Variants in PDE1A observed in about 807,000 individuals in gnomAD.
The protein encoded by PDE1A is dual specificity calcium/calmodulin-dependent 3',5'-cyclic nucleotide phosphodiesterase 1A.
PDE1A carries 35 observed loss-of-function variants against 61.7 expected under a neutral mutation model. The observed-to-expected ratio is 0.57, with a 90% confidence interval of 0.43 to 0.75. The LOEUF is 0.75. Ranked by LOEUF, PDE1A falls within the 30% of genes least tolerant of loss-of-function variation. The probability of loss-of-function intolerance (pLI) is 0.00; values close to 1 mark genes in which losing one functional copy is unlikely to be tolerated. For missense variants in PDE1A, 597 were observed against 630.6 expected (o/e 0.95, Z 0.57); for synonymous variants, 232 against 213.2 (o/e 1.09, Z -0.77).
the PDE1A span, among the ~76,000 whole-genome samples, chr2:182,645,718 T>A: frequency 5.9e-5 from 9 of 152,284 alleles, no homozygotes; most frequent in South Asian, 8.3e-4. Context: ...GAAAAAAAAT[T>A]AATATATGGC....
At chr2:182,300,385 G>A (rs1292724481) in intron 1 of PDE1A, among the ~76,000 whole-genome samples, 1 of 152,126 alleles carries the variant, frequency 6.6e-6, no homozygotes, top group Non-Finnish European at 1.5e-5. Context: ...TTGGTTCATT[G>A]ATAGGCCATT....
At chr2:182,169,076 T>G (rs577915236) in intron 13 of PDE1A, among the ~76,000 whole-genome samples, 1 of 152,074 alleles carries the variant, frequency 6.6e-6, no homozygotes, top group Non-Finnish European at 1.5e-5. Flanking sequence ...ATAAATATCA[T>G]AAATAATTTC....
intron 1 of PDE1A, among the ~76,000 whole-genome samples, chr2:182,275,377 G>A (rs1693332153): frequency 6.6e-6 from 1 of 152,220 alleles, no homozygotes; most frequent in East Asian, 1.9e-4. Flanking sequence ...CAAGTCAGCT[G>A]ACAGGAACCT....
intron 1 of PDE1A, among the ~76,000 whole-genome samples, chr2:182,343,612 G>A (rs1327404132): frequency 1.3e-5 from 2 of 151,978 alleles, no homozygotes; most frequent in African/African-American, 4.8e-5. Context: ...TTTTATACAG[G>A]TCTATGTCTT....
intron 13 of PDE1A, among the ~76,000 whole-genome samples, chr2:182,185,011 T>A (rs923471277): frequency 6.6e-6 from 1 of 152,220 alleles, no homozygotes; most frequent in Non-Finnish European, 1.5e-5. Flanking sequence ...TGAAAACGTT[T>A]CAATATTGTG....
chr2:182,367,469 GA>G (rs200402004), intron 1 of PDE1A, among the ~76,000 whole-genome samples: 15 of 149,492 alleles, frequency 1.0e-4, no homozygotes, highest in Admixed American at 2.0e-4. Context: ...TTAAACATTA[GA>G]AAAAAAAACA....
chr2:182,471,461 T>G (rs1687024151), intron 2 of PDE1A, among the ~76,000 whole-genome samples: 1 of 151,688 alleles, frequency 6.6e-6, no homozygotes, highest in Non-Finnish European at 1.5e-5. Flanking sequence ...ACTTCTCAAA[T>G]TTTGACTAAA....
intron 2 of PDE1A, among the ~76,000 whole-genome samples, chr2:182,474,660 C>A (rs77384266): frequency 0.092 from 13,940 of 151,930 alleles, 779 homozygotes; most frequent in African/African-American, 0.16. Context: ...CAAGTTCTAT[C>A]AGGTTACTGC....
chr2:182,315,063 C>T (rs1022892937), intron 1 of PDE1A, among the ~76,000 whole-genome samples: 3 of 152,098 alleles, frequency 2.0e-5, no homozygotes, highest in Admixed American at 1.3e-4. Context: ...CTCAAAAAAT[C>T]ATCATAGAAT....
the PDE1A span, among the ~76,000 whole-genome samples, chr2:182,656,025 T>C: frequency 3.9e-5 from 6 of 152,334 alleles, no homozygotes; most frequent in African/African-American, 1.4e-4. Flanking sequence ...GTGGTTGTCC[T>C]TCATCAAGCC....
chr2:182,375,809 C>G (rs192094175), intron 1 of PDE1A, among the ~76,000 whole-genome samples: 1 of 152,366 alleles, frequency 6.6e-6, no homozygotes, highest in African/African-American at 2.4e-5. Context: ...CATTTCCATA[C>G]TTCTTCTGAA....
At chr2:182,286,364 ATATGT>A (rs1173534518) in intron 1 of PDE1A, among the ~76,000 whole-genome samples, 1 of 151,868 alleles carries the variant, frequency 6.6e-6, no homozygotes, top group African/African-American at 2.4e-5. Flanking sequence ...TATCTCCTGT[ATATGT>A]TATCTGTTCA....
the PDE1A span, among the ~76,000 whole-genome samples, chr2:182,715,865 G>A: frequency 6.6e-6 from 1 of 152,050 alleles, no homozygotes; most frequent in African/African-American, 2.4e-5. Flanking sequence ...TTCGCCTTTC[G>A]GTCTCACCCA....
chr2:182,661,648 A>G, the PDE1A span, among the ~76,000 whole-genome samples: 1 of 152,198 alleles, frequency 6.6e-6, no homozygotes, highest in Admixed American at 6.6e-5. Flanking sequence ...ATTATCAGAC[A>G]ATGTGACCAC....
At chr2:182,585,021 G>A in the PDE1A span, among the ~76,000 whole-genome samples, 1 of 152,124 alleles carries the variant, frequency 6.6e-6, no homozygotes, top group Non-Finnish European at 1.5e-5. Context: ...TTGATTTTTT[G>A]AAAAACGTTA....
the PDE1A span, among the ~76,000 whole-genome samples, chr2:182,653,246 G>C: frequency 6.6e-6 from 1 of 152,100 alleles, no homozygotes; most frequent in East Asian, 1.9e-4. Context: ...TCCTGAGGTG[G>C]ACCTCAGGAT....
intron 2 of PDE1A, among the ~76,000 whole-genome samples, chr2:182,458,905 T>C (rs78820408): frequency 6.6e-6 from 1 of 152,242 alleles, no homozygotes; most frequent in East Asian, 1.9e-4. Context: ...CTTCTAGCCA[T>C]TTGTGGTCCA....
At chr2:182,456,074 C>A (rs1685899485) in intron 2 of PDE1A, among the ~76,000 whole-genome samples, 1 of 151,842 alleles carries the variant, frequency 6.6e-6, no homozygotes, top group Admixed American at 6.6e-5. Flanking sequence ...TCTTTGAAAC[C>A]ACATAGATGT....
intron 1 of PDE1A, among the ~76,000 whole-genome samples, chr2:182,412,184 T>A (rs1702658499): frequency 6.6e-6 from 1 of 152,160 alleles, no homozygotes; most frequent in South Asian, 2.1e-4. Context: ...AGAAAGCATA[T>A]AAATGTATTG....
Sources: gnomAD v4.1 joint callset for allele counts (sites outside exome capture counted in the v4.1 genomes callset) on GRCh38, gnomAD v4.1.1 for gene constraint, MANE v1.5 for transcripts, NCBI Gene and HGNC (gene_info 2026-07-23, HGNC 2026-07-21) for gene names.